Variants in FLT1 observed in about 807,000 individuals in gnomAD.
The protein encoded by FLT1 is vascular endothelial growth factor receptor 1.
FLT1 carries 49 observed loss-of-function variants against 156.3 expected under a neutral mutation model. The ratio of observed to expected loss-of-function variants is 0.31; its 90% CI spans 0.25 to 0.40. The LOEUF is 0.40. Among genes scored for constraint, FLT1 ranks in the 10% least tolerant of loss-of-function variants. FLT1 has a pLI of 1.00. For synonymous variants in FLT1, 594 were observed against 583.8 expected, an observed-to-expected ratio of 1.02 and a Z score of -0.25; for missense variants, 1,322 against 1,637.2, an observed-to-expected ratio of 0.81 and a Z score of 3.32.
intron 1 of FLT1, among the ~76,000 whole-genome samples, chr13:28,468,622 G>A (rs1037000613): frequency 2.0e-5 from 3 of 152,128 alleles, no homozygotes; most frequent in Non-Finnish European, 4.4e-5. Flanking sequence ...TGTTTGGGTC[G>A]TGGGGGTGGA....
rs188651306 is a variant in FLT1 at position 28,313,983 on chromosome 13, G to A, written c.3387-1885C>T. Among the ~76,000 whole-genome samples, 335 of 151,656 alleles carry A rather than the reference G, an allele frequency of 2.2e-3. 1 individual carries two copies. The highest frequency in any genetic ancestry group is 6.1e-3 in the African/African-American group (254 of 41,374). ...AGGCCATGGTGGGACAATCGTTTGA[G>A]GTCAGGAGTTCAAGATCGTCCTGGA... On this transcript the variant is annotated intron_variant, in intron 25 of 29. Coordinates refer to ENST00000282397, the MANE Select transcript of FLT1 (RefSeq NM_002019.4).
chr13:28,389,624 C>T (rs1565998554), intron 13 of FLT1, 172 bp downstream of exon 13: 15 of 1,471,644 alleles, frequency 1.0e-5, no homozygotes, highest in African/African-American at 1.4e-5. Context: ...AGGAGCATCT[C>T]CTCCGAGCCT....
At chr13:28,398,285 T>A (rs1875188061) in intron 11 of FLT1, among the ~76,000 whole-genome samples, 1 of 152,090 alleles carries the variant, frequency 6.6e-6, no homozygotes, top group Non-Finnish European at 1.5e-5. Context: ...ACTAATAGAG[T>A]GTCCTTGCTG....
At chr13:28,327,376 T>C (rs1005899458) in intron 20 of FLT1, 86 bp downstream of exon 20, 4 of 830,684 alleles carry the variant, frequency 4.8e-6, no homozygotes, top group Non-Finnish European at 8.4e-6. Context: ...AACAACACAA[T>C]ACAGGTTTCT....
In FLT1 at chr13:28,439,958, T is replaced by C. The variant is rs1319800211; in HGVS notation, c.389-1613A>G. 1.3e-5 allele frequency among the ~76,000 whole-genome samples: 2 copies of C among 152,238 alleles called. No individual in the cohort carries two copies. The highest frequency in any genetic ancestry group is 6.5e-5 in the Admixed American group (1 of 15,276). ...GCCTGCTGAAGATGGGATAGTTTTC[T>C]GCACAGCAGTGTGGAATGGAGGCAC... is the stretch of plus-strand genomic sequence containing the variant. On this transcript the variant is annotated intron_variant, in intron 3 of 29. Transcript: ENST00000282397. This position sits in a 1 kb window ranked among gnomAD's most constrained non-coding sequence, Gnocchi z 4.1.
At chr13:28,359,543 C>T (rs2137413787) in intron 14 of FLT1, among the ~76,000 whole-genome samples, 1 of 152,250 alleles carries the variant, frequency 6.6e-6, no homozygotes, top group East Asian at 1.9e-4. Flanking sequence ...AATGGGATTG[C>T]ATCAAACTAA....
chr13:28,459,475 GA>G (rs1208814976), intron 3 of FLT1, among the ~76,000 whole-genome samples: 4 of 149,650 alleles, frequency 2.7e-5, no homozygotes, highest in African/African-American at 1.0e-4. Context: ...ATAGAGGTGA[GA>G]TGAGTAAGGG....
At chr13:28,393,805 T>C (rs1383932075) in intron 12 of FLT1, among the ~76,000 whole-genome samples, 1 of 152,182 alleles carries the variant, frequency 6.6e-6, no homozygotes, top group Non-Finnish European at 1.5e-5. Flanking sequence ...CAGGCTGGTC[T>C]CAAACTCTTG....
chr13:28,415,526 C>T (rs1876597779), intron 10 of FLT1, among the ~76,000 whole-genome samples: 1 of 152,254 alleles, frequency 6.6e-6, no homozygotes, highest in Middle Eastern at 3.4e-3. Context: ...TCAACTAAAA[C>T]AGAGTTTGCT....
intron 15 of FLT1, among the ~76,000 whole-genome samples, chr13:28,357,022 A>T (rs754715510): frequency 1.3e-5 from 2 of 152,244 alleles, no homozygotes; most frequent in Non-Finnish European, 2.9e-5. Flanking sequence ...CTTAAATGTC[A>T]TCTGTTGATT....
chr13:28,472,369 A>T (rs1331263648), intron 1 of FLT1, among the ~76,000 whole-genome samples: 2 of 152,212 alleles, frequency 1.3e-5, no homozygotes, highest in African/African-American at 4.8e-5. Context: ...AGCTGCCATG[A>T]TGGATACTAA....
rs1387060117 is a variant in FLT1 at position 28,434,106 on chromosome 13, TTGC to T, written c.625_627del (p.Ala209del). 6.2e-7 allele frequency: 1 copy of T among 1,614,212 alleles called. No homozygotes were observed. Among genetic ancestry groups the T allele is most frequent in the African/African-American group, 1.3e-5 (1 of 75,072 alleles). On this transcript the variant is annotated inframe_deletion, in exon 5 of 30. Transcript: ENST00000282397. ...GTCTTATACAAATGCCCATTGACTG[TTGC>T]TTCACAGGTCAGAAGCCCTATTTCT...
intron 3 of FLT1, among the ~76,000 whole-genome samples, chr13:28,457,551 C>G (rs1002479916): frequency 6.6e-6 from 1 of 152,130 alleles, no homozygotes; most frequent in Admixed American, 6.5e-5. Context: ...AAAAATACAT[C>G]AAATGACACA....
intron 18 of FLT1, among the ~76,000 whole-genome samples, chr13:28,331,592 G>A (rs1041539741): frequency 5.3e-5 from 8 of 152,076 alleles, no homozygotes; most frequent in Non-Finnish European, 7.4e-5. Context: ...CACCACGCCC[G>A]GCTAATTTTT....
intron 6 of FLT1, among the ~76,000 whole-genome samples, chr13:28,432,044 A>C (rs1169955094): frequency 6.6e-6 from 1 of 152,192 alleles, no homozygotes; most frequent in Non-Finnish European, 1.5e-5. Flanking sequence ...TAGGCTCTGC[A>C]ATCTGACCTG....
intron 14 of FLT1, among the ~76,000 whole-genome samples, chr13:28,377,167 AG>A (rs1019591652): frequency 1.3e-5 from 2 of 152,308 alleles, no homozygotes; most frequent in African/African-American, 4.8e-5. Context: ...CAAAGTAAAT[AG>A]GTCTTAAATT....
At chr13:28,430,248 G>A in intron 7 of FLT1, 81 bp from the exon 8 acceptor site, 1 of 929,386 alleles carries the variant, frequency 1.1e-6, no homozygotes, top group South Asian at 1.3e-5. Context: ...CAGGGAGGGT[G>A]TAATCAATGA....
At chr13:28,451,697 G>C (rs1332970270) in intron 3 of FLT1, among the ~76,000 whole-genome samples, 1 of 152,196 alleles carries the variant, frequency 6.6e-6, no homozygotes, top group Non-Finnish European at 1.5e-5. Context: ...GGGCTGTGTC[G>C]AAGTGCTGCG....
intron 14 of FLT1, among the ~76,000 whole-genome samples, chr13:28,359,189 A>T (rs1216231548): frequency 1.3e-5 from 2 of 152,238 alleles, no homozygotes; most frequent in Non-Finnish European, 2.9e-5. Flanking sequence ...ATAAAAACAG[A>T]TCCATCAACC....
Sources: allele counts gnomAD v4.1 joint callset (sites outside exome capture counted in the v4.1 genomes callset), GRCh38; gene constraint gnomAD v4.1.1; non-coding constraint Gnocchi (gnomAD v3.1); transcripts MANE v1.5; gene names NCBI Gene and HGNC (gene_info 2026-07-23, HGNC 2026-07-21).